EYA1: variants seen among roughly 807,000 people sequenced by gnomAD.
EYA1 encodes the protein protein phosphatase EYA1.
A neutral mutation model predicts 82.0 loss-of-function variants in EYA1; 16 were observed. The ratio of observed to expected loss-of-function variants is 0.20; its 90% CI spans 0.13 to 0.30. The LOEUF is 0.30. Among genes scored for constraint, EYA1 ranks in the 10% least tolerant of loss-of-function variants. The pLI, the probability that EYA1 is intolerant of heterozygous loss-of-function variation, is 1.00. For missense variants in EYA1, 633 were observed against 730.7 expected (o/e 0.87, Z 1.54); for synonymous variants, 261 against 264.4 (o/e 0.99, Z 0.12).
At chr8:71,416,879 A>T (rs1445068914) in intron 2 of EYA1, among the ~76,000 whole-genome samples, 2 of 152,198 alleles carry the variant, frequency 1.3e-5, no homozygotes, top group Non-Finnish European at 2.9e-5. Flanking sequence ...TGAAGATGCA[A>T]AGTATTGTTT....
intron 2 of EYA1, among the ~76,000 whole-genome samples, chr8:71,371,534 T>G (rs1828080445): frequency 6.6e-6 from 1 of 152,072 alleles, no homozygotes; most frequent in Non-Finnish European, 1.5e-5. Context: ...TTAACTAAAG[T>G]AAAAACCATG....
intron 2 of EYA1, among the ~76,000 whole-genome samples, chr8:71,398,820 A>G (rs1586632976): frequency 6.6e-6 from 1 of 152,194 alleles, no homozygotes; most frequent in Admixed American, 6.5e-5. Flanking sequence ...CTCTCTTCAA[A>G]GCTGTCAGAC....
At position 71,271,838 on chromosome 8, in the gene EYA1, G is replaced by T; in HGVS notation, c.886C>A (p.Arg296Ser). The T allele has an allele frequency of 1.2e-6, 2 of 1,614,090 alleles. No individual in the cohort carries two copies. The highest frequency in any genetic ancestry group is 1.7e-6 in the Non-Finnish European group (2 of 1,179,990). Reference sequence around the variant, plus strand: ...CGTGATTTCCCATCTGAACCTCGACGCAATCGATCAGAATCTGAATCTTTA... The same window carrying T: ...CGTGATTTCCCATCTGAACCTCGACTCAATCGATCAGAATCTGAATCTTTA... ...PIKDSDSDRL[R>S]RGSDGKSRGR... is the part of the protein sequence containing the mutation. The change falls in exon 10 of 18, where the codon CGT becomes AGT. Residue 296 changes from arginine to serine, a missense_variant. Physicochemically the swap from Arg to Ser is moderately radical, Grantham distance 110. Transcript: ENST00000340726.
chr8:71,375,994 A>C (rs1828347932), intron 2 of EYA1, among the ~76,000 whole-genome samples: 1 of 152,220 alleles, frequency 6.6e-6, no homozygotes, highest in Non-Finnish European at 1.5e-5. Flanking sequence ...GAAAATATAA[A>C]AGTAGACAGT....
chr8:71,436,610 C>T (rs779858695), intron 2 of EYA1, among the ~76,000 whole-genome samples: 8 of 152,098 alleles, frequency 5.3e-5, no homozygotes, highest in African/African-American at 1.2e-4. Flanking sequence ...TGCTGTAATG[C>T]AATATAGGAC....
intron 11 of EYA1, among the ~76,000 whole-genome samples, chr8:71,254,243 CAAAAAAAA>C (rs56047377): frequency 3.3e-4 from 17 of 51,468 alleles, no homozygotes; most frequent in East Asian, 2.0e-3. Flanking sequence ...AAGTCTTGGC[CAAAAAAAA>C]AAAAAAAAAA....
intron 7 of EYA1, among the ~76,000 whole-genome samples, chr8:71,302,262 A>G (rs1820278811): frequency 6.6e-6 from 1 of 152,194 alleles, no homozygotes. Context: ...ATCCACCAAG[A>G]AAATGAATAA....
chr8:71,509,671 T>C (rs529964936), intron 2 of EYA1, among the ~76,000 whole-genome samples: 1 of 152,270 alleles, frequency 6.6e-6, no homozygotes, highest in South Asian at 2.1e-4. Flanking sequence ...CAATAAAATA[T>C]AAAAAGAAAA....
At position 71,486,945 on chromosome 8, in the gene EYA1, G is replaced by C. The variant is rs113464278; in HGVS notation, c.33+48799C>G. 3.4e-3 allele frequency among the ~76,000 whole-genome samples: 305 copies of C among 88,910 alleles called. 4 individuals carry two copies. Among genetic ancestry groups the C allele is most frequent in the African/African-American group, 0.012 (291 of 24,074 alleles). The allele number at this position is 88,910 out of a possible 152,430, so 58.3% of individuals were successfully genotyped here. A position where few individuals can be genotyped will look rare whatever the true frequency, so the allele number is the denominator to read the frequency against. On this transcript the variant is annotated intron_variant, in intron 2 of 18. Coordinates refer to the EYA1 transcript ENST00000643681. ...TGACTTGTGCGTCACTTCTCAGGTG[G>C]TTCCAAATTCAAGAGTGAGGAACAA...
At chr8:71,393,459 C>T (rs1007124543) in intron 2 of EYA1, among the ~76,000 whole-genome samples, 15 of 152,140 alleles carry the variant, frequency 9.9e-5, no homozygotes, top group African/African-American at 2.4e-4. Flanking sequence ...AACCACTCCA[C>T]GACAGTCCCC....
chr8:71,266,553 A>G (rs1815839419), intron 11 of EYA1, among the ~76,000 whole-genome samples: 1 of 152,182 alleles, frequency 6.6e-6, no homozygotes, highest in African/African-American at 2.4e-5. Flanking sequence ...GGCCAGGAAA[A>G]GACACCTCCA....
upstream of EYA1, among the ~76,000 whole-genome samples, chr8:71,362,549 T>TA (rs1308209511): frequency 1.3e-5 from 2 of 152,028 alleles, no homozygotes; most frequent in East Asian, 3.9e-4. Flanking sequence ...CTGGGGGAAA[T>TA]AAAAAACTAG....
intron 1 of EYA1, among the ~76,000 whole-genome samples, chr8:71,545,150 G>T (rs1422197000): frequency 6.6e-6 from 1 of 152,216 alleles, no homozygotes; most frequent in African/African-American, 2.4e-5. Flanking sequence ...TATAATCTTG[G>T]AAATATTAAC....
chr8:71,381,686 C>G (rs1177969517), intron 2 of EYA1, among the ~76,000 whole-genome samples: 2 of 152,208 alleles, frequency 1.3e-5, no homozygotes, highest in African/African-American at 4.8e-5. Context: ...CATGCAGACA[C>G]ACGGAAGTGT....
At chr8:71,406,415 G>A (rs201268569) in intron 2 of EYA1, among the ~76,000 whole-genome samples, 2 of 152,212 alleles carry the variant, frequency 1.3e-5, no homozygotes, top group Admixed American at 6.5e-5. Context: ...AGCTCCCAGC[G>A]TGAGCGACGC....
At chr8:71,390,507 C>A (rs745422856) in intron 2 of EYA1, among the ~76,000 whole-genome samples, 24 of 152,130 alleles carry the variant, frequency 1.6e-4, no homozygotes, top group Non-Finnish European at 2.9e-4. Flanking sequence ...AAGCAATCCT[C>A]CCACCTGGGC....
intron 4 of EYA1, among the ~76,000 whole-genome samples, chr8:71,326,974 C>T (rs1052565318): frequency 6.6e-6 from 1 of 152,210 alleles, no homozygotes; most frequent in Non-Finnish European, 1.5e-5. Context: ...TGAACCCAAA[C>T]TTATTGCTGC....
At position 71,198,558 on chromosome 8, in the gene EYA1, C is replaced by CATT. The variant is rs899981376; in HGVS notation, c.*779_*781dup. 2 of 152,614 alleles carry CATT rather than the reference C, an allele frequency of 1.3e-5. No individual in the cohort carries two copies. The highest frequency in any genetic ancestry group is 4.8e-5 in the African/African-American group (2 of 41,430). 9.5% of individuals were successfully genotyped at this position (152,614 alleles called of 1,614,324 possible). A position where few individuals can be genotyped will look rare whatever the true frequency, so the allele number is the denominator to read the frequency against. On this transcript the variant is annotated 3_prime_UTR_variant, in exon 18 of 18. Coordinates refer to ENST00000340726, the MANE Select transcript of EYA1 (RefSeq NM_000503.6). ...TCCAGGCATTGCTACCTTTCAATAT[C>CATT]ATTTCCCTAAACAATATGTAAAAGA...
At chr8:71,211,641 T>A (rs957390584) in intron 16 of EYA1, among the ~76,000 whole-genome samples, 1 of 152,228 alleles carries the variant, frequency 6.6e-6, no homozygotes, top group Non-Finnish European at 1.5e-5. Flanking sequence ...TCTGGCAACA[T>A]ATTTTAACTT....
Sources: gnomAD v4.1 joint callset for allele counts (sites outside exome capture counted in the v4.1 genomes callset) on GRCh38, gnomAD v4.1.1 for gene constraint, MANE v1.5 for transcripts, NCBI Gene and HGNC (gene_info 2026-07-23, HGNC 2026-07-21) for gene names.